The following FAM78B variants were observed in gnomAD, a reference collection of about 807,000 sequenced individuals.
FAM78B encodes family with sequence similarity 78 member B.
A neutral mutation model predicts 20.0 loss-of-function variants in FAM78B; 10 were observed. The ratio of observed to expected loss-of-function variants is 0.50; its 90% CI spans 0.31 to 0.85. The LOEUF (loss-of-function observed/expected upper bound fraction) is 0.85. Ranked by LOEUF, FAM78B falls within the 40% of genes least tolerant of loss-of-function variation. The probability of loss-of-function intolerance (pLI) is 0.05; values close to 1 mark genes in which losing one functional copy is unlikely to be tolerated. For missense variants in FAM78B, 283 were observed against 345.0 expected (o/e 0.82, Z 1.42); for synonymous variants, 135 against 132.8 (o/e 1.02, Z -0.12).
At chr1:166,103,326 T>C (rs1317626600) in intron 1 of FAM78B, among the ~76,000 whole-genome samples, 2 of 152,134 alleles carry the variant, frequency 1.3e-5, no homozygotes, top group Non-Finnish European at 2.9e-5. Context: ...ATTCAAAAGC[T>C]AGCAGAAGGC....
At chr1:166,061,435 AAATT>A (rs756903787) in intron 2 of FAM78B, among the ~76,000 whole-genome samples, 29 of 152,324 alleles carry the variant, frequency 1.9e-4, no homozygotes, top group South Asian at 4.1e-4. Flanking sequence ...TTATGATTAT[AAATT>A]AATTAATATG....
intron 1 of FAM78B, among the ~76,000 whole-genome samples, chr1:166,084,473 C>T (rs1438873126): frequency 6.6e-6 from 1 of 152,184 alleles, no homozygotes; most frequent in African/African-American, 2.4e-5. Flanking sequence ...CCTATAATCT[C>T]TGACCAAAGA....
At chr1:166,099,751 A>T (rs1386356032) in intron 1 of FAM78B, among the ~76,000 whole-genome samples, 1 of 152,238 alleles carries the variant, frequency 6.6e-6, no homozygotes, top group African/African-American at 2.4e-5. Context: ...TATGTACCTA[A>T]CACTGAAGCT....
Position 166,078,708 on chromosome 1 carries a change from G to A in FAM78B, c.264-7945C>T, listed in dbSNP as rs973704603. On this transcript the variant is annotated intron_variant, in intron 1 of 1. Transcript: ENST00000354422. ...CTGCAGTCACTGGGGAGTCTGGGGA[G>A]AGGCTGGCAGCAACATTCTTGGAGG... 2.0e-5 allele frequency among the ~76,000 whole-genome samples: 3 copies of A among 152,246 alleles called. No individual in the cohort carries two copies. In the South Asian group the frequency reaches 6.2e-4, roughly 32 times the overall value.
At chr1:166,147,398 C>A (rs1655501839) in intron 1 of FAM78B, among the ~76,000 whole-genome samples, 2 of 152,190 alleles carry the variant, frequency 1.3e-5, no homozygotes, top group South Asian at 2.1e-4. Flanking sequence ...TCAGGCCAGA[C>A]CTTCTTGGGG....
intron 1 of FAM78B, among the ~76,000 whole-genome samples, chr1:166,094,835 C>T (rs1013382299): frequency 3.9e-5 from 6 of 152,198 alleles, no homozygotes; most frequent in Admixed American, 3.9e-4. Flanking sequence ...GCTAGTAACA[C>T]TTACTGAGGT....
intron 1 of FAM78B, among the ~76,000 whole-genome samples, chr1:166,143,355 G>A (rs139070051): frequency 2.9e-4 from 44 of 152,076 alleles, no homozygotes; most frequent in African/African-American, 8.2e-4. Context: ...GAGGTATCAC[G>A]GCTGGGAGCT....
At chr1:166,164,781 T>C (rs1187267710) in intron 1 of FAM78B, 3 of 152,216 alleles carry the variant, frequency 2.0e-5, no homozygotes, top group Non-Finnish European at 4.4e-5. Flanking sequence ...CCATATTAAA[T>C]AGACGAACCT....
At chr1:166,075,393 G>T (rs1248056161) in intron 1 of FAM78B, among the ~76,000 whole-genome samples, 1 of 152,134 alleles carries the variant, frequency 6.6e-6, no homozygotes, top group African/African-American at 2.4e-5. Flanking sequence ...TAAACAAAAA[G>T]AATCACTCAG....
chr1:166,164,148 G>T (rs1291898404), intron 1 of FAM78B, among the ~76,000 whole-genome samples: 3 of 152,240 alleles, frequency 2.0e-5, no homozygotes, highest in Non-Finnish European at 4.4e-5. Context: ...ATTCATAAGA[G>T]ATTTGAGGCA....
At chr1:166,147,792 C>G (rs1008170400) in intron 1 of FAM78B, 2 of 152,082 alleles carry the variant, frequency 1.3e-5, no homozygotes, top group African/African-American at 4.8e-5. Flanking sequence ...CCACCATACC[C>G]CAGGCTAATT....
At chr1:166,159,774 T>G (rs936998913) in intron 1 of FAM78B, among the ~76,000 whole-genome samples, 1 of 152,200 alleles carries the variant, frequency 6.6e-6, no homozygotes, top group Non-Finnish European at 1.5e-5. Context: ...CCCTAATCAT[T>G]TGTTTCCTCC....
At chr1:166,125,972 C>G (rs951531194) in intron 1 of FAM78B, among the ~76,000 whole-genome samples, 1 of 151,872 alleles carries the variant, frequency 6.6e-6, no homozygotes, top group Non-Finnish European at 1.5e-5. Context: ...GCTGGGACTA[C>G]AGGCATGTAC....
chr1:166,120,299 T>A (rs1464810895), intron 1 of FAM78B, among the ~76,000 whole-genome samples: 1 of 152,162 alleles, frequency 6.6e-6, no homozygotes, highest in Non-Finnish European at 1.5e-5. Flanking sequence ...CACAGCAAGT[T>A]AGTGGTGGAG....
chr1:166,165,906 G>A (rs1656355741), intron 1 of FAM78B, 80 bp downstream of exon 1: 1 of 1,538,710 alleles, frequency 6.5e-7, no homozygotes, highest in Admixed American at 1.7e-5. Flanking sequence ...CAGTAGGAAG[G>A]AGCTGGGGAG....
At chr1:166,079,546 C>T (rs563741732) in intron 1 of FAM78B, among the ~76,000 whole-genome samples, 1 of 152,178 alleles carries the variant, frequency 6.6e-6, no homozygotes, top group African/African-American at 2.4e-5. Flanking sequence ...TGCCCACATG[C>T]AAATGTGTGA....
chr1:166,081,834 A>G (rs58453027), intron 1 of FAM78B, among the ~76,000 whole-genome samples: 6,740 of 152,216 alleles, frequency 0.044, 473 homozygotes, highest in African/African-American at 0.15. Flanking sequence ...GATGAGGGGG[A>G]ATCGATGTGG....
intron 1 of FAM78B, among the ~76,000 whole-genome samples, chr1:166,106,714 A>C (rs948111878): frequency 2.6e-5 from 4 of 152,106 alleles, no homozygotes; most frequent in Admixed American, 6.6e-5. Context: ...TGTGGGGACT[A>C]CTTGGAGGGG....
intron 1 of FAM78B, among the ~76,000 whole-genome samples, chr1:166,105,499 A>C (rs139422501): frequency 0.027 from 4,134 of 152,296 alleles, 256 homozygotes; most frequent in Admixed American, 0.14. Flanking sequence ...GAACTCAAAC[A>C]AACTTACAAG....
Sources: gnomAD v4.1 joint callset for allele counts (sites outside exome capture counted in the v4.1 genomes callset) on GRCh38, gnomAD v4.1.1 for gene constraint, MANE v1.5 for transcripts, NCBI Gene and HGNC (gene_info 2026-07-23, HGNC 2026-07-21) for gene names.